Variants in STAB1 observed in about 807,000 individuals in gnomAD.
STAB1 encodes the protein stabilin 1.
Under a neutral mutation model 332.4 loss-of-function variants are expected in STAB1, and 250 were observed. The ratio of observed to expected loss-of-function variants is 0.75; its 90% CI spans 0.68 to 0.84. The LOEUF is 0.84. STAB1 is among the 40% of genes least tolerant of loss of function. The pLI, the probability that STAB1 is intolerant of heterozygous loss-of-function variation, is 0.00. For missense variants in STAB1, 3,249 were observed against 3,489.7 expected, an observed-to-expected ratio of 0.93 and a Z score of 1.74; for synonymous variants, 1,475 against 1,390.4, an observed-to-expected ratio of 1.06 and a Z score of -1.35.
At position 52,506,711 on chromosome 3, in the gene STAB1, C is replaced by T. The variant is rs753322958; in HGVS notation, c.1850C>T (p.Pro617Leu). Residue 617 changes from proline to leucine, a missense_variant, in exon 18 of 69, where the codon CCC (proline) becomes CTC (leucine). Coordinates refer to ENST00000321725, the MANE Select transcript of STAB1 (RefSeq NM_015136.3). Reference protein sequence around the residue: ...ISEEGRILLGPEGVPLQRVDV... With the variant: ...ISEEGRILLGLEGVPLQRVDV... ...CCGCAGGGGCGCATCCTGCTGGGACCCGAGGGGGTCCCGCTGCAGAGGGTA... is the reference window on the plus strand; with the variant it reads ...CCGCAGGGGCGCATCCTGCTGGGACTCGAGGGGGTCCCGCTGCAGAGGGTA... 5.6e-6 allele frequency: 9 copies of T among 1,611,788 alleles called. No individual in the cohort carries two copies. Among genetic ancestry groups the T allele is most frequent in the Non-Finnish European group, 7.6e-6 (9 of 1,179,432 alleles).
Position 52,503,128 on chromosome 3 carries a change from G to T in STAB1, c.694+19G>T. ...TGCCGAGGTGAGCCTGGACTCAGAG[G>T]CCAGGGACTTCAGCTCAGGGCGGGC... is the stretch of plus-strand genomic sequence containing the variant. On this transcript the variant is annotated intron_variant, in intron 7 of 68. Transcript: ENST00000321725. The T allele has an allele frequency of 6.4e-7, 1 of 1,567,422 alleles. No individual in the cohort carries two copies. Among genetic ancestry groups the T allele is most frequent in the Non-Finnish European group, 8.7e-7 (1 of 1,155,340 alleles).
chr3:52,512,946 C>T lies in STAB1; in HGVS notation c.3146C>T (p.Pro1049Leu), dbSNP rs553345383. 101 of 1,610,022 alleles carry T rather than the reference C, an allele frequency of 6.3e-5. No homozygotes were observed. The highest frequency in any genetic ancestry group is 7.5e-5 in the Non-Finnish European group (88 of 1,178,572). ...TTCTGGCTGCAGCCAAGGACGCTGCCGAACCTGGTCAGGTGGGGCCGCCAT... is the reference window on the plus strand; with the variant it reads ...TTCTGGCTGCAGCCAAGGACGCTGCTGAACCTGGTCAGGTGGGGCCGCCAT... ...RAFWLQPRTL[P>L]NLVRAHFLQG... Residue 1049 changes from proline (P) to leucine (L), a missense_variant, in exon 29 of 69, where the codon CCG (proline) becomes CTG (leucine). Transcript: ENST00000321725.
chr3:52,514,760 G>A lies in STAB1; in HGVS notation c.3738G>A (p.Leu1246=), dbSNP rs1471650578. 6.2e-7 allele frequency: 1 copy of A among 1,613,030 alleles called. No homozygotes were observed. The highest frequency in any genetic ancestry group is 8.5e-7 in the Non-Finnish European group (1 of 1,180,008). ...TGCTGGAGGCCCCTGGCCGCTCGCTGATTGGTCTGTCGGGGGTCCTGACGG... is the reference window on the plus strand; with the variant it reads ...TGCTGGAGGCCCCTGGCCGCTCGCTAATTGGTCTGTCGGGGGTCCTGACGG... ...GPMLEAPGRS[L]IGLSGVLTVG... is the part of the protein sequence containing the mutation. Residue 1246 remains leucine, a synonymous_variant, in exon 35 of 69, where the codon CTG becomes CTA. Coordinates refer to ENST00000321725, the MANE Select transcript of STAB1 (RefSeq NM_015136.3).
chr3:52,517,612 C>A lies in STAB1; in HGVS notation c.4626C>A (p.Asp1542Glu). The A allele has an allele frequency of 1.9e-6, 3 of 1,612,876 alleles. No individual in the cohort carries two copies. Among genetic ancestry groups the A allele is most frequent in the Non-Finnish European group, 2.5e-6 (3 of 1,179,908 alleles). ...GCATCCGGACCTGCGAGCTCCTGGA[C>A]CCCTGCTCTAAGGTCAGGACCCTAG... is the stretch of plus-strand genomic sequence containing the variant. ...GDGIRTCELL[D>E]PCSKNNGGCS... Residue 1542 changes from aspartate to glutamate, a missense_variant, in exon 44 of 69, where the codon GAC becomes GAA. Transcript: ENST00000321725.
At position 52,504,527 on chromosome 3, in the gene STAB1, C is replaced by T. The variant is rs151153400; in HGVS notation, c.1217C>T (p.Ser406Phe). 6.2e-7 allele frequency: 1 copy of T among 1,613,990 alleles called. No individual in the cohort carries two copies. Among genetic ancestry groups the T allele is most frequent in the Non-Finnish European group, 8.5e-7 (1 of 1,180,028 alleles). ...ACCGTGCTGGTGCCATCCGTCTCCT[C>T]CTTCTCCTCCAGGACCATGAATGTA... is the stretch of plus-strand genomic sequence containing the variant. ...PFTVLVPSVSSFSSRTMNASL... is the reference protein window; with the variant it reads ...PFTVLVPSVSFFSSRTMNASL... The change falls in exon 11 of 69, where the codon TCC (serine) becomes TTC (phenylalanine). Residue 406 changes from serine (S) to phenylalanine (F), a missense_variant. Ser to Phe is a radical substitution (Grantham distance 155). Transcript: ENST00000321725.
At chr3:52,506,883 C>A in intron 18 of STAB1, 33 bp downstream of exon 18, 1 of 1,605,540 alleles carries the variant, frequency 6.2e-7, no homozygotes, top group Non-Finnish European at 8.5e-7. Context: ...GGGCCCTACT[C>A]ACTAACCCCT....
chr3:52,505,229 T>C, intron 13 of STAB1, 86 bp downstream of exon 13: 3 of 1,604,394 alleles, frequency 1.9e-6, no homozygotes, highest in Non-Finnish European at 2.6e-6. Context: ...CAGGAGCCAT[T>C]CTACTCAGGG....
chr3:52,518,278 C>T (rs776838639), intron 45 of STAB1, 34 bp from the exon 46 acceptor site: 9 of 1,608,566 alleles, frequency 5.6e-6, no homozygotes, highest in South Asian at 2.2e-5. Flanking sequence ...GAATGGGGGC[C>T]GCCCCAAATC....
In STAB1 at chr3:52,509,942, C is replaced by G; in HGVS notation, c.2420C>G (p.Ala807Gly). The part of the protein sequence containing the change: ...SGGVCQQGTC[A>G]PGFSGRFCNE... ...GGGGTGTGCCAGCAGGGCACGTGTG[C>G]CCCTGGCTTCAGTGGCCGGTTCTGC... Residue 807 changes from alanine (A) to glycine (G), a missense_variant, in exon 23 of 69, where the codon GCC becomes GGC. Physicochemically the swap from Ala to Gly is moderately conservative, Grantham distance 60. Transcript: ENST00000321725. 6.2e-7 allele frequency: 1 copy of G among 1,612,894 alleles called. No individual in the cohort carries two copies. The highest frequency in any genetic ancestry group is 8.5e-7 in the Non-Finnish European group (1 of 1,179,976).
chr3:52,521,335 C>A (rs1056380927), intron 55 of STAB1, 26 bp from the exon 56 acceptor site: 41 of 1,613,194 alleles, frequency 2.5e-5, no homozygotes, highest in Non-Finnish European at 3.2e-5. Flanking sequence ...CCTGGCCCCA[C>A]CTCACTTCTC....
intron 48 of STAB1, 69 bp from the exon 49 acceptor site, chr3:52,519,195 C>T (rs902822809): frequency 6.4e-7 from 1 of 1,557,990 alleles, no homozygotes. Context: ...GTTCAACCTC[C>T]ACCTCAGGCC....
rs747465003 is a variant in STAB1, at chr3:52,517,361, C to T, written c.4531C>T (p.His1511Tyr). The change falls in exon 43 of 69, where the codon CAC becomes TAC. Residue 1511 changes from histidine to tyrosine, a missense_variant. Coordinates refer to ENST00000321725, the MANE Select transcript of STAB1 (RefSeq NM_015136.3). The stretch of plus-strand genomic sequence containing the variant: ...CATCCACCACGGGGGCTGCCACATT[C>T]ACGCCGAGTGCATCCCCACTGGCCC... The part of the protein sequence containing the change: ...CLIHHGGCHI[H>Y]AECIPTGPQQ... The T allele has an allele frequency of 1.9e-6, 3 of 1,605,442 alleles. No individual in the cohort carries two copies. Among genetic ancestry groups the T allele is most frequent in the Non-Finnish European group, 2.6e-6 (3 of 1,176,330 alleles).
At position 52,521,601 on chromosome 3, in the gene STAB1, C is replaced by T. The variant is rs769040195; in HGVS notation, c.6064C>T (p.Arg2022Cys). Reference sequence around the variant, plus strand: ...CTGCCTGTCCCTCTCCCCAGCCTGCCGCTGCACTGTGCATGGCCGCTGTGA... The same window carrying T: ...CTGCCTGTCCCTCTCCCCAGCCTGCTGCTGCACTGTGCATGGCCGCTGTGA... Reference protein sequence around the residue: ...GAFGPHCQACRCTVHGRCDEG... With the variant: ...GAFGPHCQACCCTVHGRCDEG... The change falls in exon 57 of 69, where the codon CGC (arginine) becomes TGC (cysteine). Residue 2022 changes from arginine to cysteine, a missense_variant. Coordinates refer to ENST00000321725, the MANE Select transcript of STAB1 (RefSeq NM_015136.3). 2.3e-5 allele frequency: 37 copies of T among 1,612,840 alleles called. No homozygotes were observed. In the South Asian group the frequency reaches 2.5e-4, roughly 11 times the overall value.
intron 1 of STAB1, among the ~76,000 whole-genome samples, chr3:52,498,015 C>T (rs571960080): frequency 2.0e-5 from 3 of 152,202 alleles, no homozygotes; most frequent in East Asian, 1.9e-4. Flanking sequence ...GAGAGGAGCA[C>T]GGTCCAGAAC....
In STAB1 at chr3:52,506,687, C is replaced by T. The variant is rs763434523; in HGVS notation, c.1831-5C>T. 62 of 1,605,870 alleles carry T rather than the reference C, an allele frequency of 3.9e-5. No individual in the cohort carries two copies. In the Admixed American group the frequency reaches 6.7e-4, roughly 17 times the overall value. On this transcript the variant is annotated splice_polypyrimidine_tract_variant and splice_region_variant and intron_variant, in intron 17 of 68. Coordinates refer to ENST00000321725, the MANE Select transcript of STAB1 (RefSeq NM_015136.3). ...GGGGGTTGGCTCAGTGGGTCTCTGC[C>T]GCAGGGGCGCATCCTGCTGGGACCC...
rs944213030 is a variant in STAB1 at position 52,522,062 on chromosome 3, T to C, written c.6297T>C (p.His2099=). The C allele has an allele frequency of 2.5e-6, 4 of 1,613,342 alleles. No individual in the cohort carries two copies. The highest frequency in any genetic ancestry group is 2.2e-5 in the East Asian group (1 of 44,880). ...CTVADLCQDG[H]GGCSEHANCS... Reference sequence around the variant, plus strand: ...TGGCAGACCTGTGCCAGGACGGGCATGGTGGCTGCAGTGAGCACGCCAACT... The same window carrying C: ...TGGCAGACCTGTGCCAGGACGGGCACGGTGGCTGCAGTGAGCACGCCAACT... The change falls in exon 59 of 69, where the codon CAT becomes CAC. Residue 2099 remains histidine, a synonymous_variant. Transcript: ENST00000321725.
rs368215824 is a variant in STAB1, at chr3:52,503,979, TG to T, written c.1023-41del. 1.6e-3 allele frequency: 2,393 copies of T among 1,539,080 alleles called. 34 individuals carry two copies. In the African/African-American group the frequency reaches 0.029, roughly 19 times the overall value. ...CTGCGGGAAGGCGTGGGGGGTGCGG[TG>T]GGGGGGGCCTCAGCCTCCGCCCTGA... On this transcript the variant is annotated intron_variant, in intron 9 of 68. Transcript: ENST00000321725.
intron 18 of STAB1, 114 bp from the exon 19 acceptor site, chr3:52,507,499 C>A: frequency 8.8e-7 from 1 of 1,133,022 alleles, no homozygotes; most frequent in Non-Finnish European, 1.3e-6. Context: ...GCTGGGCTTC[C>A]TGTGGTTGGC....
chr3:52,518,907 C>CCCGCCCCGCCCCGCCCCGCCCCGTA (rs1553678787), intron 48 of STAB1, 38 bp downstream of exon 48: 1 of 1,344,466 alleles, frequency 7.4e-7, no homozygotes, highest in Non-Finnish European at 9.5e-7. Context: ...TCCATCCCGC[C>CCCGCCCCGCCCCGCCCCGCCCCGTA]CCGCCCCGCC....
Sources: gnomAD v4.1 joint callset for allele counts (sites outside exome capture counted in the v4.1 genomes callset) on GRCh38, gnomAD v4.1.1 for gene constraint, MANE v1.5 for transcripts, NCBI Gene and HGNC (gene_info 2026-07-23, HGNC 2026-07-21) for gene names.